Variants in CPNE4 observed in about 807,000 individuals in gnomAD.
The protein encoded by CPNE4 is copine 4.
A neutral mutation model predicts 67.9 loss-of-function variants in CPNE4; 25 were observed. That is an observed-to-expected ratio of 0.37 (90% confidence interval 0.27 to 0.51). The LOEUF (loss-of-function observed/expected upper bound fraction) is 0.51, where lower values mean the gene tolerates loss of function less well. CPNE4 is among the 20% of genes least tolerant of loss of function. The pLI is 0.93. For synonymous variants in CPNE4, 242 were observed against 244.9 expected (o/e 0.99, Z 0.11); for missense variants, 464 against 690.8 (o/e 0.67, Z 3.68).
chr3:131,815,276 G>A (rs570977699), intron 2 of CPNE4, among the ~76,000 whole-genome samples: 39 of 152,190 alleles, frequency 2.6e-4, no homozygotes, highest in African/African-American at 8.9e-4. Flanking sequence ...TAAATAAAGT[G>A]AAAAAGAAAG....
chr3:131,851,671 C>T (rs1456157596), intron 2 of CPNE4, among the ~76,000 whole-genome samples: 1 of 152,084 alleles, frequency 6.6e-6, no homozygotes, highest in Non-Finnish European at 1.5e-5. Flanking sequence ...CAGCATTAAA[C>T]AGTCAGTATT....
intron 1 of CPNE4, among the ~76,000 whole-genome samples, chr3:131,933,617 AAATT>A (rs1475452643): frequency 2.6e-5 from 4 of 152,116 alleles, no homozygotes; most frequent in African/African-American, 9.7e-5. Flanking sequence ...CCAAGCTATG[AAATT>A]AATTAAGCTA....
intron 1 of CPNE4, among the ~76,000 whole-genome samples, chr3:131,958,604 C>CCT (rs2072053452): frequency 4.5e-5 from 2 of 44,300 alleles, no homozygotes; most frequent in Non-Finnish European, 8.8e-5. Flanking sequence ...ACCTTTCTTT[C>CCT]TTTTCTTTTT....
chr3:131,764,095 T>G (rs1214705840), intron 2 of CPNE4, among the ~76,000 whole-genome samples: 2 of 152,082 alleles, frequency 1.3e-5, no homozygotes, highest in Admixed American at 6.6e-5. Flanking sequence ...GGCTGCTAAA[T>G]GTCTGACCAG....
intron 1 of CPNE4, among the ~76,000 whole-genome samples, chr3:131,996,025 A>G (rs1050052352): frequency 6.6e-6 from 1 of 152,192 alleles, no homozygotes; most frequent in Non-Finnish European, 1.5e-5. Context: ...TTCCTGTGCA[A>G]TATCTGACAT....
intron 2 of CPNE4, among the ~76,000 whole-genome samples, chr3:131,865,386 T>C (rs1427743744): frequency 6.7e-6 from 1 of 148,224 alleles, no homozygotes; most frequent in Non-Finnish European, 1.5e-5. Context: ...TGCATATTAG[T>C]CCTTTTAAAA....
intron 2 of CPNE4, among the ~76,000 whole-genome samples, chr3:131,814,850 C>T (rs545843045): frequency 1.3e-5 from 2 of 151,132 alleles, no homozygotes; most frequent in East Asian, 1.9e-4. Context: ...GTGATCCGCC[C>T]GCCTCGGCCT....
intron 2 of CPNE4, among the ~76,000 whole-genome samples, chr3:131,885,742 C>T (rs1443614709): frequency 7.2e-5 from 11 of 152,116 alleles, no homozygotes; most frequent in Middle Eastern, 3.4e-3. Context: ...TTCCTGTGTC[C>T]ATGTGATCTC....
chr3:131,658,867 G>T lies in CPNE4; in HGVS notation c.681+10808C>A, dbSNP rs181539091. On this transcript the variant is annotated intron_variant, in intron 7 of 15. Coordinates refer to ENST00000429747, the MANE Select transcript of CPNE4 (RefSeq NM_130808.3). ...AGAAAAAAAGCCCAGGATGGCTGCGGATTGTGATGTTTTCATCTTTTTCAA... is the reference window on the plus strand; with the variant it reads ...AGAAAAAAAGCCCAGGATGGCTGCGTATTGTGATGTTTTCATCTTTTTCAA... Among the ~76,000 whole-genome samples the T allele has an allele frequency of 1.3e-4, 20 of 152,318 alleles. No individual in the cohort carries two copies. In the East Asian group the frequency reaches 3.5e-3, roughly 26 times the overall value.
chr3:132,020,314 T>C (rs561000920), intron 1 of CPNE4, among the ~76,000 whole-genome samples: 1 of 152,306 alleles, frequency 6.6e-6, no homozygotes, highest in East Asian at 1.9e-4. Flanking sequence ...AGAGGAAAAC[T>C]CTGGGTACAG....
intron 2 of CPNE4, among the ~76,000 whole-genome samples, chr3:131,827,711 T>C (rs993944284): frequency 6.6e-6 from 1 of 151,936 alleles, no homozygotes; most frequent in African/African-American, 2.4e-5. Context: ...GGGATGGAAA[T>C]GTAGGAAAGT....
At chr3:131,719,263 A>G (rs182318690) in intron 3 of CPNE4, among the ~76,000 whole-genome samples, 1 of 152,350 alleles carries the variant, frequency 6.6e-6, no homozygotes, top group African/African-American at 2.4e-5. Flanking sequence ...ATTAAGAATC[A>G]AAAGCTCCTG....
intron 7 of CPNE4, among the ~76,000 whole-genome samples, chr3:131,599,694 A>G (rs535596535): frequency 3.1e-4 from 47 of 152,296 alleles, no homozygotes; most frequent in African/African-American, 1.1e-3. Flanking sequence ...ATCTGTCTGT[A>G]CAAGGGCCTG....
At chr3:131,783,977 T>G (rs1271742410) in intron 2 of CPNE4, among the ~76,000 whole-genome samples, 1 of 152,148 alleles carries the variant, frequency 6.6e-6, no homozygotes, top group Non-Finnish European at 1.5e-5. Flanking sequence ...GTCCCAAAGT[T>G]CTGACACCAT....
At chr3:131,820,280 A>G (rs890908793) in intron 2 of CPNE4, among the ~76,000 whole-genome samples, 15 of 152,180 alleles carry the variant, frequency 9.9e-5, no homozygotes, top group Non-Finnish European at 1.9e-4. Flanking sequence ...TGCTGTGATG[A>G]CAGCCCAGTG....
At chr3:131,977,663 C>T (rs541368513) in intron 1 of CPNE4, among the ~76,000 whole-genome samples, 1 of 152,046 alleles carries the variant, frequency 6.6e-6, no homozygotes, top group Admixed American at 6.6e-5. Flanking sequence ...TAAAAATTTT[C>T]CTACATCATT....
At chr3:132,017,860 G>C (rs1302130761) in intron 1 of CPNE4, 1 of 152,444 alleles carries the variant, frequency 6.6e-6, no homozygotes, top group Admixed American at 6.5e-5. Context: ...TCAGGGCTCA[G>C]AGGCTCCACG....
chr3:132,017,034 CAAAGAAG>C (rs141767854), intron 1 of CPNE4, among the ~76,000 whole-genome samples: 4,538 of 150,260 alleles, frequency 0.03, 229 homozygotes, highest in African/African-American at 0.1. Flanking sequence ...AGAAGGCAAG[CAAAGAAG>C]AAAGAAGGAG....
At chr3:131,623,357 C>T (rs1454139958) in intron 7 of CPNE4, among the ~76,000 whole-genome samples, 3 of 152,044 alleles carry the variant, frequency 2.0e-5, no homozygotes, top group African/African-American at 7.2e-5. Flanking sequence ...TGTGAGTAAA[C>T]AATTTTAAAT....
Sources: allele counts gnomAD v4.1 joint callset (sites outside exome capture counted in the v4.1 genomes callset), GRCh38; gene constraint gnomAD v4.1.1; transcripts MANE v1.5; gene names NCBI Gene and HGNC (gene_info 2026-07-23, HGNC 2026-07-21).